ADAMTS19: variants seen among roughly 807,000 people sequenced by gnomAD.
ADAMTS19 encodes the protein ADAM metallopeptidase with thrombospondin type 1 motif 19, also known as A disintegrin and metalloproteinase with thrombospondin motifs 19.
Under a neutral mutation model 153.3 loss-of-function variants are expected in ADAMTS19, and 93 were observed. The ratio of observed to expected loss-of-function variants is 0.61; its 90% CI spans 0.51 to 0.72. ADAMTS19 has a LOEUF of 0.72. Ranked by LOEUF, ADAMTS19 falls within the 30% of genes least tolerant of loss-of-function variation. The pLI is 0.00. For synonymous variants in ADAMTS19, 600 were observed against 556.6 expected (o/e 1.08, Z -1.10); for missense variants, 1,482 against 1,552.1 (o/e 0.95, Z 0.76).
chr5:129,494,751 G>T (rs1750872058), intron 2 of ADAMTS19, among the ~76,000 whole-genome samples: 1 of 152,056 alleles, frequency 6.6e-6, no homozygotes, highest in Non-Finnish European at 1.5e-5. Flanking sequence ...ATTGACATGG[G>T]CCAAAATTAT....
At chr5:129,547,834 T>A (rs1752918495) in intron 6 of ADAMTS19, among the ~76,000 whole-genome samples, 1 of 150,416 alleles carries the variant, frequency 6.6e-6, no homozygotes, top group African/African-American at 2.5e-5. Flanking sequence ...GACATACAGA[T>A]CAATGGAACA....
intron 7 of ADAMTS19, among the ~76,000 whole-genome samples, chr5:129,592,155 A>T (rs1294402197): frequency 6.6e-6 from 1 of 152,098 alleles, no homozygotes; most frequent in Non-Finnish European, 1.5e-5. Flanking sequence ...AGGTGGATGG[A>T]TCACTTGAGG....
chr5:129,700,788 A>G (rs1337338403), intron 19 of ADAMTS19, among the ~76,000 whole-genome samples: 1 of 152,080 alleles, frequency 6.6e-6, no homozygotes, highest in Non-Finnish European at 1.5e-5. Flanking sequence ...TATGACATGG[A>G]AAAAGTCTGA....
At chr5:129,524,610 GAA>G (rs58978509) in intron 3 of ADAMTS19, among the ~76,000 whole-genome samples, 12,822 of 142,920 alleles carry the variant, frequency 0.09, 567 homozygotes, top group African/African-American at 0.12. Flanking sequence ...AAATTTACAA[GAA>G]AAAAAAAAAA....
intron 2 of ADAMTS19, among the ~76,000 whole-genome samples, chr5:129,465,241 C>A (rs2126639598): frequency 6.7e-6 from 1 of 149,708 alleles, no homozygotes; most frequent in African/African-American, 2.5e-5. Context: ...TTAAAACACA[C>A]AAAAGCAATA....
intron 2 of ADAMTS19, among the ~76,000 whole-genome samples, chr5:129,503,188 A>G (rs570737717): frequency 6.6e-6 from 1 of 152,336 alleles, no homozygotes; most frequent in African/African-American, 2.4e-5. Flanking sequence ...TACAATTCTC[A>G]TAGCCTTATA....
At chr5:129,538,131 A>G (rs1220799039) in intron 6 of ADAMTS19, among the ~76,000 whole-genome samples, 1 of 152,060 alleles carries the variant, frequency 6.6e-6, no homozygotes, top group East Asian at 1.9e-4. Context: ...AAAGAAGACG[A>G]TAATCATAAT....
chr5:129,653,609 C>T (rs1753411865), intron 13 of ADAMTS19, among the ~76,000 whole-genome samples: 1 of 152,184 alleles, frequency 6.6e-6, no homozygotes, highest in African/African-American at 2.4e-5. Context: ...TTCTCACTAG[C>T]ACATCAGCAG....
At chr5:129,633,451 A>G (rs1489581843) in intron 10 of ADAMTS19, among the ~76,000 whole-genome samples, 1 of 152,212 alleles carries the variant, frequency 6.6e-6, no homozygotes, top group Non-Finnish European at 1.5e-5. Context: ...TTGTTGTTAT[A>G]TTATAGAGCA....
chr5:129,600,628 A>C (rs1750601152), intron 8 of ADAMTS19, among the ~76,000 whole-genome samples: 1 of 152,130 alleles, frequency 6.6e-6, no homozygotes, highest in African/African-American at 2.4e-5. Flanking sequence ...GGGGATGAAA[A>C]TTTGAGTAAA....
chr5:129,503,008 C>T (rs1212371227), intron 2 of ADAMTS19, among the ~76,000 whole-genome samples: 2 of 152,168 alleles, frequency 1.3e-5, no homozygotes, highest in African/African-American at 4.8e-5. Context: ...GATAGCTCTT[C>T]ACAGGCACAA....
intron 7 of ADAMTS19, among the ~76,000 whole-genome samples, chr5:129,574,437 G>A (rs763202416): frequency 7.2e-5 from 11 of 151,826 alleles, no homozygotes; most frequent in Non-Finnish European, 1.3e-4. Flanking sequence ...CCAATCCCTC[G>A]ACAGGCCTTG....
chr5:129,636,957 G>GA (rs1752559141), intron 10 of ADAMTS19, among the ~76,000 whole-genome samples: 1 of 152,132 alleles, frequency 6.6e-6, no homozygotes, highest in Admixed American at 6.5e-5. Flanking sequence ...TTGTTTCATT[G>GA]AAAGGGCCTG....
intron 8 of ADAMTS19, among the ~76,000 whole-genome samples, chr5:129,606,651 G>T (rs1237037165): frequency 6.6e-6 from 1 of 152,082 alleles, no homozygotes; most frequent in Admixed American, 6.6e-5. Context: ...AAATTCCTTA[G>T]CCTGAGATTC....
At chr5:129,580,429 T>C (rs1172726179) in intron 7 of ADAMTS19, among the ~76,000 whole-genome samples, 1 of 152,218 alleles carries the variant, frequency 6.6e-6, no homozygotes, top group Non-Finnish European at 1.5e-5. Flanking sequence ...CTTTATTTAT[T>C]TCTCTTGCCT....
intron 2 of ADAMTS19, among the ~76,000 whole-genome samples, chr5:129,485,697 G>C (rs1158674651): frequency 6.6e-6 from 1 of 152,018 alleles, no homozygotes; most frequent in Non-Finnish European, 1.5e-5. Flanking sequence ...TTACAACTTT[G>C]GATAAAAGGG....
chr5:129,715,552 G>A (rs1030425759), intron 21 of ADAMTS19, among the ~76,000 whole-genome samples: 3 of 152,190 alleles, frequency 2.0e-5, no homozygotes, highest in African/African-American at 4.8e-5. Context: ...AAATGGTTGA[G>A]TTTGAGAATT....
intron 21 of ADAMTS19, among the ~76,000 whole-genome samples, chr5:129,720,230 G>C (rs1756937201): frequency 6.7e-6 from 1 of 149,740 alleles, no homozygotes; most frequent in Admixed American, 6.6e-5. Flanking sequence ...GGAGTGCAGT[G>C]GTGTGATCTT....
At chr5:129,666,250 A>G (rs1754050725) in intron 16 of ADAMTS19, among the ~76,000 whole-genome samples, 1 of 152,120 alleles carries the variant, frequency 6.6e-6, no homozygotes, top group African/African-American at 2.4e-5. Context: ...ATACGTGCTC[A>G]TATGTTAAAG....
Sources: allele counts gnomAD v4.1 joint callset (sites outside exome capture counted in the v4.1 genomes callset), GRCh38; gene constraint gnomAD v4.1.1; transcripts MANE v1.5; gene names NCBI Gene and HGNC (gene_info 2026-07-23, HGNC 2026-07-21).